PARD3: variants seen among roughly 807,000 people sequenced by gnomAD.
PARD3 encodes partitioning defective 3 homolog.
PARD3 carries 75 observed loss-of-function variants against 155.4 expected under a neutral mutation model. The observed-to-expected ratio is 0.48, with a 90% confidence interval of 0.40 to 0.58. The LOEUF (loss-of-function observed/expected upper bound fraction) is 0.58, where lower values mean the gene tolerates loss of function less well. Ranked by LOEUF, PARD3 falls within the 20% of genes least tolerant of loss-of-function variation. The pLI is 0.00. For synonymous variants in PARD3, 576 were observed against 610.5 expected (o/e 0.94, Z 0.83); for missense variants, 1,642 against 1,721.7 (o/e 0.95, Z 0.82).
intron 6 of PARD3, among the ~76,000 whole-genome samples, chr10:34,399,819 C>T (rs1843706639): frequency 6.6e-6 from 1 of 152,302 alleles, no homozygotes; most frequent in African/African-American, 2.4e-5. Context: ...ATTAACTGAA[C>T]AAAGATGTTG....
At chr10:34,515,835 T>C (rs557307740) in intron 3 of PARD3, among the ~76,000 whole-genome samples, 6 of 152,166 alleles carry the variant, frequency 3.9e-5, no homozygotes, top group African/African-American at 1.4e-4. Context: ...ATATATTTTA[T>C]TAACACATAT....
intron 3 of PARD3, among the ~76,000 whole-genome samples, chr10:34,515,688 T>G (rs1228671529): frequency 1.3e-5 from 2 of 152,216 alleles, no homozygotes; most frequent in African/African-American, 4.8e-5. Context: ...AGAAGTAGTT[T>G]GTAAACATCT....
At chr10:34,331,035 A>G in intron 19 of PARD3, 82 bp downstream of exon 19, 1 of 1,012,510 alleles carries the variant, frequency 9.9e-7, no homozygotes, top group Non-Finnish European at 1.5e-6. Context: ...AGAATCTTAG[A>G]AAACTCCAGG....
chr10:34,292,097 C>A (rs1382914713), intron 20 of PARD3, among the ~76,000 whole-genome samples: 1 of 152,174 alleles, frequency 6.6e-6, no homozygotes, highest in Non-Finnish European at 1.5e-5. Context: ...ATGTCAAAAT[C>A]ATCTGTGCTG....
chr10:34,334,171 T>A (rs1589216217), intron 18 of PARD3, among the ~76,000 whole-genome samples: 1 of 151,800 alleles, frequency 6.6e-6, no homozygotes, highest in East Asian at 1.9e-4. Context: ...AATGAAACCA[T>A]TAGAAATCCA....
intron 1 of PARD3, among the ~76,000 whole-genome samples, chr10:34,769,136 G>GC (rs1328697161): frequency 6.6e-6 from 1 of 152,132 alleles, no homozygotes; most frequent in Admixed American, 6.5e-5. Context: ...GGCCCCTTCT[G>GC]CCCCAAGTCA....
Position 34,473,412 on chromosome 10 carries a change from T to G in PARD3, c.404-3149A>C, listed in dbSNP as rs2078491077. Among the ~76,000 whole-genome samples, 6 of 152,030 alleles carry G rather than the reference T, an allele frequency of 3.9e-5. No homozygotes were observed. In the South Asian group the frequency reaches 1.2e-3, roughly 32 times the overall value. On this transcript the variant is annotated intron_variant, in intron 3 of 24. Transcript: ENST00000374788. ...AATAAAACAAGTCAACGAGGCCAGG[T>G]GCAATGGCTCACACCTATAATCCCA...
At chr10:34,120,900 T>A (rs967051638) in intron 23 of PARD3, among the ~76,000 whole-genome samples, 1 of 151,710 alleles carries the variant, frequency 6.6e-6, no homozygotes, top group South Asian at 2.1e-4. Context: ...CACAAAAAAA[T>A]TTTAAAAATT....
In PARD3 at chr10:34,283,826, G is replaced by C. The variant is rs111942399; in HGVS notation, c.3176+309C>G. On this transcript the variant is annotated intron_variant, in intron 21 of 24. Coordinates refer to ENST00000374788, the MANE Select transcript of PARD3 (RefSeq NM_001184785.2). ...AGGCAGGATTTTAAGTACTTTTTGT[G>C]TTATTTTAAAAAATCATAAATTCAG... 1.4e-3 allele frequency among the ~76,000 whole-genome samples: 206 copies of C among 151,184 alleles called. 1 individual carries two copies. The highest frequency in any genetic ancestry group is 4.7e-3 in the African/African-American group (193 of 41,268).
At chr10:34,329,595 G>A (rs1046008572) in intron 19 of PARD3, among the ~76,000 whole-genome samples, 2 of 152,146 alleles carry the variant, frequency 1.3e-5, no homozygotes, top group African/African-American at 4.8e-5. Flanking sequence ...TATATTCACA[G>A]CCGGGAGGAA....
chr10:34,534,265 C>CAA (rs370705596), intron 2 of PARD3, among the ~76,000 whole-genome samples: 3 of 120,846 alleles, frequency 2.5e-5, no homozygotes, highest in African/African-American at 6.2e-5. Flanking sequence ...GACTCCATCT[C>CAA]AAAAAAAAAA....
intron 3 of PARD3, among the ~76,000 whole-genome samples, chr10:34,502,229 G>A (rs1433214159): frequency 6.6e-6 from 1 of 152,188 alleles, no homozygotes; most frequent in East Asian, 1.9e-4. Context: ...TCAAGACTAT[G>A]TAGTCACATG....
At chr10:34,624,654 AGACAGGAGGATGATGGTGGAGAG>A in intron 2 of PARD3, among the ~76,000 whole-genome samples, 1 of 152,230 alleles carries the variant, frequency 6.6e-6, no homozygotes, top group East Asian at 1.9e-4. Context: ...GCCTCCCTAC[AGACAGGAGGATGATGGTGGAGAG>A]GACAGGAGGC....
chr10:34,810,536 TC>T (rs2134422106), intron 1 of PARD3, among the ~76,000 whole-genome samples: 1 of 152,256 alleles, frequency 6.6e-6, no homozygotes, highest in African/African-American at 2.4e-5. Context: ...AGCTTTTACT[TC>T]CCCAGCCCAT....
At chr10:34,577,615 C>T (rs1489191384) in intron 2 of PARD3, among the ~76,000 whole-genome samples, 1 of 152,174 alleles carries the variant, frequency 6.6e-6, no homozygotes, top group Admixed American at 6.5e-5. Context: ...ATCCATCATT[C>T]TATCACTATC....
intron 2 of PARD3, among the ~76,000 whole-genome samples, chr10:34,559,046 C>A (rs919904334): frequency 1.3e-5 from 2 of 151,850 alleles, no homozygotes; most frequent in African/African-American, 4.9e-5. Flanking sequence ...CATTTTTCCC[C>A]CCCACAGAAT....
intron 2 of PARD3, among the ~76,000 whole-genome samples, chr10:34,591,136 C>A (rs1184657816): frequency 6.6e-6 from 1 of 152,024 alleles, no homozygotes; most frequent in African/African-American, 2.4e-5. Context: ...GTTCCCAGAC[C>A]CCCCATCACC....
intron 2 of PARD3, 62 bp downstream of exon 2, chr10:34,696,256 G>C (rs935879477): frequency 2.4e-6 from 2 of 836,552 alleles, no homozygotes; most frequent in Non-Finnish European, 3.9e-6. Flanking sequence ...AATCGCACCC[G>C]CTCCCTAGTC....
chr10:34,210,119 G>T (rs1951669352), intron 22 of PARD3, among the ~76,000 whole-genome samples: 1 of 152,104 alleles, frequency 6.6e-6, no homozygotes, highest in African/African-American at 2.4e-5. Flanking sequence ...TCAATGCGAG[G>T]CCAGGACTAA....
Sources: gnomAD v4.1 joint callset for allele counts (sites outside exome capture counted in the v4.1 genomes callset) on GRCh38, gnomAD v4.1.1 for gene constraint, MANE v1.5 for transcripts, NCBI Gene and HGNC (gene_info 2026-07-23, HGNC 2026-07-21) for gene names.